The following MYO10 variants were observed in gnomAD, a reference collection of about 807,000 sequenced individuals.
MYO10 encodes the protein unconventional myosin-X.
In MYO10, 133 loss-of-function variants were observed where a neutral mutation model predicts 257.3. The observed-to-expected ratio is 0.52, with a 90% confidence interval of 0.45 to 0.60. The LOEUF (loss-of-function observed/expected upper bound fraction) is 0.60. Ranked by LOEUF, MYO10 falls within the 20% of genes least tolerant of loss-of-function variation. The pLI is 0.00. For synonymous variants in MYO10, 1,104 were observed against 1,028.6 expected (o/e 1.07, Z -1.40); for missense variants, 2,399 against 2,635.7 (o/e 0.91, Z 1.97).
Position 16,694,363 on chromosome 5 carries a change from C to T in MYO10, c.3800+8G>A. ...CCCATCGGGCCACAGCCAGGCTTAG[C>T]AACCTACTTTGCCGTTCGCACTTCT... is the stretch of plus-strand genomic sequence containing the variant. On this transcript the variant is annotated splice_region_variant and intron_variant, in intron 27 of 40. Transcript: ENST00000513610. The T allele has an allele frequency of 6.2e-7, 1 of 1,613,930 alleles. No individual in the cohort carries two copies. Among genetic ancestry groups the T allele is most frequent in the Non-Finnish European group, 8.5e-7 (1 of 1,179,804 alleles).
intron 3 of MYO10, among the ~76,000 whole-genome samples, chr5:16,813,015 A>G (rs2126699350): frequency 6.6e-6 from 1 of 152,248 alleles, no homozygotes; most frequent in Admixed American, 6.5e-5. Context: ...GTTTCTGACA[A>G]AGTTCTCAGA....
chr5:16,913,554 G>A (rs1233774998), intron 1 of MYO10, among the ~76,000 whole-genome samples: 1 of 152,202 alleles, frequency 6.6e-6, no homozygotes, highest in Non-Finnish European at 1.5e-5. Context: ...CACTGTGGAG[G>A]TGGCCAGTGC....
At chr5:16,899,784 T>G (rs2126782966) in intron 1 of MYO10, among the ~76,000 whole-genome samples, 1 of 151,960 alleles carries the variant, frequency 6.6e-6, no homozygotes, top group Non-Finnish European at 1.5e-5. Context: ...GATCACCTGA[T>G]GTCAAGAGTT....
intron 3 of MYO10, among the ~76,000 whole-genome samples, chr5:16,795,041 CAA>C (rs1174482992): frequency 2.6e-5 from 4 of 152,230 alleles, no homozygotes; most frequent in African/African-American, 7.2e-5. Flanking sequence ...GAAAGGGAAA[CAA>C]GAGAAGGAAG....
At chr5:16,848,155 C>CTTTTTTTTTTTTTTTTCTTTTTTTTT (rs1554002457) in intron 2 of MYO10, among the ~76,000 whole-genome samples, 23 of 113,552 alleles carry the variant, frequency 2.0e-4, no homozygotes, top group African/African-American at 8.2e-4. Context: ...CTACACATTT[C>CTTTTTTTTTTTTTTTTCTTTTTTTTT]TTTTTTTTTT....
chr5:16,770,671 G>C (rs1477146011), intron 9 of MYO10, among the ~76,000 whole-genome samples: 1 of 152,250 alleles, frequency 6.6e-6, no homozygotes, highest in African/African-American at 2.4e-5. Flanking sequence ...CCATAGGAGA[G>C]TGGGAAGAAG....
chr5:16,794,150 AG>A (rs1305411373), intron 4 of MYO10, among the ~76,000 whole-genome samples: 1 of 152,110 alleles, frequency 6.6e-6, no homozygotes, highest in East Asian at 1.9e-4. Context: ...TAACTTTAAG[AG>A]CACCCTATTA....
rs191879717 is a variant in MYO10, at chr5:16,782,803, G to T, written c.602+532C>A. Among the ~76,000 whole-genome samples, 598 of 152,200 alleles carry T rather than the reference G, an allele frequency of 3.9e-3. 2 individuals carry two copies. Among genetic ancestry groups the T allele is most frequent in the Admixed American group, 7.7e-3 (118 of 15,274 alleles). On this transcript the variant is annotated intron_variant, in intron 5 of 40. Coordinates refer to ENST00000513610, the MANE Select transcript of MYO10 (RefSeq NM_012334.3). ...GGGTGACACCTAGCCCTCTTTCTAA[G>T]TTTTGAGGCTCCCTGTTATATAGAA...
intron 40 of MYO10, 146 bp downstream of exon 40, chr5:16,668,131 G>A: frequency 1.3e-6 from 1 of 797,020 alleles, no homozygotes; most frequent in Non-Finnish European, 1.9e-6. Context: ...ACCGGCAGCT[G>A]GAAAGGGACC....
chr5:16,916,301 G>A (rs893905188), intron 1 of MYO10: 5 of 349,228 alleles, frequency 1.4e-5, no homozygotes, highest in Non-Finnish European at 2.3e-5. Flanking sequence ...GAGTTCTGAG[G>A]AGTCTTTTTA....
rs556071297 is a variant in MYO10, at chr5:16,852,043, T to C, written c.120+25566A>G. 5.3e-4 allele frequency among the ~76,000 whole-genome samples: 38 copies of C among 71,588 alleles called. 1 individual carries two copies. The highest frequency in any genetic ancestry group is 1.9e-4 in the African/African-American group (3 of 16,162). 47.0% of individuals were successfully genotyped at this position (71,588 alleles called of 152,430 possible). A position where few individuals can be genotyped will look rare whatever the true frequency, so the allele number is the denominator to read the frequency against. On this transcript the variant is annotated intron_variant, in intron 2 of 40. Transcript: ENST00000513610. ...TCCAGCCTGGGTGACAAAGCAAGAC[T>C]CCATCTCAAAAAAAAAAAAAAAAAA...
intron 2 of MYO10, among the ~76,000 whole-genome samples, chr5:16,835,052 C>T (rs1314276846): frequency 6.6e-6 from 1 of 152,002 alleles, no homozygotes; most frequent in Non-Finnish European, 1.5e-5. Context: ...GTGGCACACG[C>T]CTGTACCCCA....
intron 19 of MYO10, chr5:16,742,224 T>G (rs1204388476): frequency 5.1e-6 from 5 of 985,236 alleles, no homozygotes; most frequent in African/African-American, 1.7e-5. Context: ...ACAGCACTCT[T>G]TGCTGGTGCT....
At chr5:16,672,869 C>A (rs1411876807) in intron 36 of MYO10, 44 bp from the exon 37 acceptor site, 4 of 1,595,008 alleles carry the variant, frequency 2.5e-6, no homozygotes, top group Non-Finnish European at 3.4e-6. Flanking sequence ...AGGCTGCGGC[C>A]CCAACACGTG....
At chr5:16,730,849 C>T (rs1269229848) in intron 19 of MYO10, among the ~76,000 whole-genome samples, 3 of 152,006 alleles carry the variant, frequency 2.0e-5, no homozygotes, top group East Asian at 1.9e-4. Flanking sequence ...CAGCACGCTG[C>T]GGAGGATGGA....
intron 2 of MYO10, among the ~76,000 whole-genome samples, chr5:16,875,660 AAC>A (rs777027976): frequency 2.0e-5 from 3 of 152,228 alleles, no homozygotes; most frequent in Non-Finnish European, 4.4e-5. Context: ...AGGAGTTACA[AAC>A]ACAGTATTAA....
Position 16,698,875 on chromosome 5 carries a change from G to A in MYO10, c.3556+575C>T, listed in dbSNP as rs190475424. 1.6e-3 allele frequency among the ~76,000 whole-genome samples: 231 copies of A among 143,788 alleles called. 16 individuals carry two copies. Among genetic ancestry groups the A allele is most frequent in the African/African-American group, 6.5e-3 (219 of 33,844 alleles). 94.3% of individuals were successfully genotyped at this position (143,788 alleles called of 152,430 possible). On this transcript the variant is annotated intron_variant, in intron 26 of 40. Transcript: ENST00000513610. ...CCTGACCTCATGATCCACCCGCCTC[G>A]GCCTCCCAAAGTGCTGGGATTACAG...
intron 3 of MYO10, 111 bp from the exon 4 acceptor site, chr5:16,794,944 C>T: frequency 3.7e-6 from 3 of 804,722 alleles, no homozygotes; most frequent in South Asian, 2.8e-5. Context: ...TTCTGTCTCC[C>T]GGGTGCACAC....
chr5:16,909,004 T>C (rs1323232584), intron 1 of MYO10, among the ~76,000 whole-genome samples: 2 of 152,240 alleles, frequency 1.3e-5, no homozygotes, highest in African/African-American at 2.4e-5. Flanking sequence ...ACAGGTGCTA[T>C]GTCTTGGACA....
Sources: gnomAD v4.1 joint callset for allele counts (sites outside exome capture counted in the v4.1 genomes callset) on GRCh38, gnomAD v4.1.1 for gene constraint, MANE v1.5 for transcripts, NCBI Gene and HGNC (gene_info 2026-07-23, HGNC 2026-07-21) for gene names.